The following MTUS2 variants were observed in gnomAD, a reference collection of about 807,000 sequenced individuals.
MTUS2 encodes microtubule associated scaffold protein 2.
A neutral mutation model predicts 114.1 loss-of-function variants in MTUS2; 40 were observed. That is an observed-to-expected ratio of 0.35 (90% confidence interval 0.27 to 0.46). MTUS2 has a LOEUF of 0.46. MTUS2 is among the 20% of genes least tolerant of loss of function. The pLI is 1.00. For synonymous variants in MTUS2, 688 were observed against 672.0 expected, an observed-to-expected ratio of 1.02 and a Z score of -0.37; for missense variants, 1,679 against 1,705.4, an observed-to-expected ratio of 0.98 and a Z score of 0.27.
rs769240415 is a variant in MTUS2, at chr13:29,025,148, G to C, written c.450G>C (p.Arg150Ser). Residue 150 changes from arginine (R) to serine (S), a missense_variant, in exon 3 of 16, where the codon AGG (arginine) becomes AGC (serine). By Grantham distance (110) the Arg-to-Ser change is moderately radical (BLOSUM62 -1). Coordinates refer to ENST00000612955, the MANE Select transcript of MTUS2 (RefSeq NM_001033602.4). ...SEASLDVLAK[R>S]DAEIPRHVPK... is the part of the protein sequence containing the mutation. The stretch of plus-strand genomic sequence containing the variant: ...CCAGTCTAGACGTTTTGGCTAAAAG[G>C]GATGCTGAAATTCCCCGGCATGTTC... 4 of 1,613,932 alleles carry C rather than the reference G, an allele frequency of 2.5e-6. No individual in the cohort carries two copies. Among genetic ancestry groups the C allele is most frequent in the Admixed American group, 1.7e-5 (1 of 60,018 alleles).
At chr13:28,964,492 G>T (rs1263630937) in intron 2 of MTUS2, among the ~76,000 whole-genome samples, 1 of 152,046 alleles carries the variant, frequency 6.6e-6, no homozygotes, top group African/African-American at 2.4e-5. Flanking sequence ...TGTCAAACCG[G>T]CCAGTCTTGT....
intron 9 of MTUS2, among the ~76,000 whole-genome samples, chr13:29,464,553 G>A (rs1180064929): frequency 6.6e-6 from 1 of 152,202 alleles, no homozygotes; most frequent in East Asian, 1.9e-4. Context: ...AGCTGGCAGG[G>A]CTCTGTGGTC....
At chr13:29,249,116 T>C (rs2139424068) in intron 5 of MTUS2, among the ~76,000 whole-genome samples, 1 of 152,248 alleles carries the variant, frequency 6.6e-6, no homozygotes, top group South Asian at 2.1e-4. Context: ...GCTTCCCAAG[T>C]AGCTGGGACT....
intron 2 of MTUS2, among the ~76,000 whole-genome samples, chr13:28,984,626 C>G (rs113783434): frequency 6.6e-6 from 1 of 152,190 alleles, no homozygotes; most frequent in Non-Finnish European, 1.5e-5. Context: ...TATTTGGGCT[C>G]TTTTCGAACC....
chr13:29,492,485 CAT>C (rs1882259683), intron 11 of MTUS2, among the ~76,000 whole-genome samples, 159 bp from the exon 12 acceptor site: 1 of 152,030 alleles, frequency 6.6e-6, no homozygotes, highest in Non-Finnish European at 1.5e-5. Flanking sequence ...CTGGTCATGA[CAT>C]ACAATTTCAA....
intron 5 of MTUS2, among the ~76,000 whole-genome samples, chr13:29,131,293 G>A (rs1891751566): frequency 6.6e-6 from 1 of 152,238 alleles, no homozygotes; most frequent in Non-Finnish European, 1.5e-5. Context: ...AGAGGTTTTG[G>A]AGATTGACAG....
intron 8 of MTUS2, among the ~76,000 whole-genome samples, chr13:29,388,909 A>G (rs1361607512): frequency 2.0e-5 from 3 of 151,902 alleles, no homozygotes; most frequent in African/African-American, 7.3e-5. Context: ...TCTATATTTT[A>G]TGTCTCATTG....
chr13:28,901,665 G>T lies in MTUS2; in HGVS notation c.-243+61815G>T, dbSNP rs1266992825. ...TTTGCTGTTATCAAATATTAGTTAG[G>T]CATATTTTTGTGAATCTATCTCTGG... On this transcript the variant is annotated intron_variant, in intron 2 of 15. Transcript: ENST00000612955. Among the ~76,000 whole-genome samples, 3 of 152,080 alleles carry T rather than the reference G, an allele frequency of 2.0e-5. No homozygotes were observed. The East Asian group carries it at 5.8e-4, about 29-fold the overall frequency.
intron 8 of MTUS2, among the ~76,000 whole-genome samples, chr13:29,415,316 G>A (rs1229019215): frequency 6.6e-6 from 1 of 151,980 alleles, no homozygotes; most frequent in Admixed American, 6.6e-5. Context: ...TTATGTTGAG[G>A]GTTTCTTAAT....
intron 2 of MTUS2, among the ~76,000 whole-genome samples, chr13:28,960,789 A>G (rs935139448): frequency 6.6e-6 from 1 of 152,208 alleles, no homozygotes; most frequent in Non-Finnish European, 1.5e-5. Context: ...TAGTTGTTGC[A>G]CAACTTTGTG....
At chr13:28,838,978 T>A (rs940869585) in intron 1 of MTUS2, among the ~76,000 whole-genome samples, 2 of 149,150 alleles carry the variant, frequency 1.3e-5, no homozygotes, top group Non-Finnish European at 1.5e-5. Flanking sequence ...AATTGTTTCA[T>A]AATCACTGGG....
chr13:29,001,062 C>T (rs1214547979), intron 2 of MTUS2, among the ~76,000 whole-genome samples: 1 of 152,324 alleles, frequency 6.6e-6, no homozygotes, highest in African/African-American at 2.4e-5. Flanking sequence ...ACATGCTTAT[C>T]TCTCATTCCC....
In MTUS2 at chr13:29,455,825, A is replaced by G. The variant is rs181132820; in HGVS notation, c.3184+15776A>G. ...GCAAAACCCCATCTCTACAAAAAATACAAAAATTAGCTGGGCATGGTGGTG... is the reference window on the plus strand; with the variant it reads ...GCAAAACCCCATCTCTACAAAAAATGCAAAAATTAGCTGGGCATGGTGGTG... On this transcript the variant is annotated intron_variant, in intron 9 of 15. Coordinates refer to ENST00000612955, the MANE Select transcript of MTUS2 (RefSeq NM_001033602.4). Among the ~76,000 whole-genome samples the G allele has an allele frequency of 6.6e-4, 100 of 152,198 alleles. No homozygotes were observed. In the East Asian group the frequency reaches 0.013, roughly 19 times the overall value.
At chr13:29,408,278 T>C (rs780713792) in intron 8 of MTUS2, among the ~76,000 whole-genome samples, 2 of 152,154 alleles carry the variant, frequency 1.3e-5, no homozygotes, top group Non-Finnish European at 2.9e-5. Context: ...TATTTTGTTA[T>C]AATCTTTTTA....
intron 2 of MTUS2, among the ~76,000 whole-genome samples, chr13:28,914,782 C>A (rs1397623659): frequency 6.6e-6 from 1 of 151,936 alleles, no homozygotes; most frequent in Non-Finnish European, 1.5e-5. Context: ...TAGGTGCAAG[C>A]ACATTTTGGG....
In MTUS2 at chr13:28,878,448, C is replaced by G. The variant is rs1878092491; in HGVS notation, c.-243+38598C>G. On this transcript the variant is annotated intron_variant, in intron 2 of 15. Coordinates refer to ENST00000612955, the MANE Select transcript of MTUS2 (RefSeq NM_001033602.4). The stretch of plus-strand genomic sequence containing the variant: ...TCAACCCATCACCTATGTATTAAGT[C>G]TTGCATGCATTAACTGTTGTTCCTG... Among the ~76,000 whole-genome samples, 4 of 152,124 alleles carry G rather than the reference C, an allele frequency of 2.6e-5. No homozygotes were observed. In the South Asian group the frequency reaches 8.3e-4, roughly 32 times the overall value.
intron 2 of MTUS2, among the ~76,000 whole-genome samples, chr13:28,956,711 C>T (rs918208979): frequency 1.3e-5 from 2 of 152,096 alleles, no homozygotes; most frequent in Admixed American, 6.6e-5. Flanking sequence ...AGTGAGGGAG[C>T]AGTGGGAGGC....
At chr13:29,220,075 A>G (rs1895847796) in intron 5 of MTUS2, among the ~76,000 whole-genome samples, 2 of 151,160 alleles carry the variant, frequency 1.3e-5, no homozygotes, top group Non-Finnish European at 2.9e-5. Flanking sequence ...TGCTCACTGC[A>G]ACCTCCACCT....
intron 5 of MTUS2, among the ~76,000 whole-genome samples, chr13:29,273,989 G>T (rs550255833): frequency 6.6e-6 from 1 of 152,268 alleles, no homozygotes; most frequent in South Asian, 2.1e-4. Flanking sequence ...GAACATTCAT[G>T]TACAAGCTTT....
Sources: allele counts gnomAD v4.1 joint callset (sites outside exome capture counted in the v4.1 genomes callset), GRCh38; gene constraint gnomAD v4.1.1; transcripts MANE v1.5; gene names NCBI Gene and HGNC (gene_info 2026-07-23, HGNC 2026-07-21).